PTPDC1: variants seen among roughly 807,000 people sequenced by gnomAD.
The protein encoded by PTPDC1 is protein tyrosine phosphatase domain-containing protein 1.
PTPDC1 carries 53 observed loss-of-function variants against 75.3 expected under a neutral mutation model. The observed-to-expected ratio is 0.70, with a 90% CI of 0.56 to 0.88. PTPDC1 has a LOEUF of 0.88. Ranked by LOEUF, PTPDC1 falls within the 40% of genes least tolerant of loss-of-function variation. The pLI is 0.00. For synonymous variants in PTPDC1, 349 were observed against 366.2 expected (o/e 0.95, Z 0.54); for missense variants, 925 against 998.6 (o/e 0.93, Z 0.99).
intron 2 of PTPDC1, among the ~76,000 whole-genome samples, chr9:94,071,988 TTTAACTGGTA>T (rs1826526699): frequency 1.3e-5 from 2 of 152,128 alleles, no homozygotes; most frequent in African/African-American, 4.8e-5. Context: ...TTGGGGAGAT[TTTAACTGGTA>T]TTGTGGTTTT....
chr9:94,046,211 C>T (rs1481594399), intron 1 of PTPDC1, among the ~76,000 whole-genome samples: 5 of 152,078 alleles, frequency 3.3e-5, no homozygotes, highest in Admixed American at 1.3e-4. Context: ...TATATCTCTG[C>T]TTTGGTACCA....
chr9:94,064,590 C>A, intron 1 of PTPDC1: 1 of 600,360 alleles, frequency 1.7e-6, no homozygotes, highest in Non-Finnish European at 2.9e-6. Context: ...AACAGCACAT[C>A]TCAACCTGAC....
intron 1 of PTPDC1, among the ~76,000 whole-genome samples, chr9:94,059,085 G>A (rs1167342675): frequency 6.6e-6 from 1 of 152,060 alleles, no homozygotes; most frequent in Non-Finnish European, 1.5e-5. Context: ...AGCAACTGTT[G>A]GAGTGAAAGA....
chr9:94,078,013 T>TA (rs1407114463), intron 2 of PTPDC1, among the ~76,000 whole-genome samples: 1 of 152,240 alleles, frequency 6.6e-6, no homozygotes, highest in East Asian at 1.9e-4. Flanking sequence ...ACTTTCACCC[T>TA]AGTCCCCCTG....
At chr9:94,061,965 T>G (rs1454892314) in intron 1 of PTPDC1, among the ~76,000 whole-genome samples, 1 of 152,246 alleles carries the variant, frequency 6.6e-6, no homozygotes, top group Non-Finnish European at 1.5e-5. Flanking sequence ...AATGGACTTT[T>G]CTTTTCTACC....
chr9:94,084,582 T>C lies in PTPDC1; in HGVS notation c.52T>C (p.Ser18Pro). The C allele has an allele frequency of 6.2e-7, 1 of 1,613,758 alleles. No homozygotes were observed. The highest frequency in any genetic ancestry group is 8.5e-7 in the Non-Finnish European group (1 of 1,180,004). Residue 18 changes from serine (S) to proline (P), a missense_variant, in exon 1 of 9, where the codon TCC becomes CCC. Ser to Pro is a moderately conservative substitution (Grantham distance 74, BLOSUM62 -1). Transcript: ENST00000620992. ...RRPSAVRFLS[S>P]FLQGRRHSTS... The stretch of plus-strand genomic sequence containing the variant: ...GCCCTCAGCCGTGCGCTTCCTCAGC[T>C]CCTTTCTCCAGGGCCGCCGGCACTC...
chr9:94,048,183 G>GT (rs1305242236), intron 1 of PTPDC1, among the ~76,000 whole-genome samples: 1 of 152,120 alleles, frequency 6.6e-6, no homozygotes, highest in African/African-American at 2.4e-5. Context: ...TTTTTGAAGG[G>GT]TTTTTTGTGT....
At chr9:94,080,601 G>A (rs1164282404), upstream of PTPDC1, among the ~76,000 whole-genome samples, 3 of 152,130 alleles carry the variant, frequency 2.0e-5, no homozygotes, top group East Asian at 1.9e-4. Context: ...AAGGGCTTCC[G>A]AGTCTAATCA....
intron 2 of PTPDC1, among the ~76,000 whole-genome samples, chr9:94,072,493 A>G (rs897492343): frequency 6.6e-6 from 1 of 151,392 alleles, no homozygotes; most frequent in East Asian, 1.9e-4. Context: ...GGACAGTTCT[A>G]TTTCCTCTTT....
intron 7 of PTPDC1, 74 bp from the exon 8 acceptor site, chr9:94,104,201 C>G: frequency 1.1e-6 from 1 of 950,006 alleles, no homozygotes. Flanking sequence ...ATTCTTGACT[C>G]TACGATAGTT....
chr9:94,090,323 T>C (rs1827266218), intron 4 of PTPDC1, among the ~76,000 whole-genome samples: 1 of 140,520 alleles, frequency 7.1e-6, no homozygotes, highest in Non-Finnish European at 1.5e-5. Context: ...CCACCACCAT[T>C]TATTAAATAG....
chr9:94,098,693 A>C (rs1024364141), intron 6 of PTPDC1, 114 bp downstream of exon 6: 1 of 916,134 alleles, frequency 1.1e-6, no homozygotes, highest in Non-Finnish European at 1.7e-6. Context: ...ATACGTTTGC[A>C]TAATACTTTC....
At position 94,084,665 on chromosome 9, in the gene PTPDC1, C is replaced by T. The variant is rs781201575; in HGVS notation, c.135C>T (p.Ser45=). 59 of 1,613,454 alleles carry T rather than the reference C, an allele frequency of 3.7e-5. No individual in the cohort carries two copies. Among genetic ancestry groups the T allele is most frequent in the South Asian group, 1.1e-5 (1 of 91,042 alleles). ...CCCGGCGGGGCTCTGGCTTGGGCTC[C>T]GGCTCTGCCACGAAGCTGCTGTCCT... ...QQARRGSGLG[S]GSATKLLSSS... The change falls in exon 1 of 9, where the codon TCC becomes TCT. Residue 45 remains serine (S), a synonymous_variant. Transcript: ENST00000620992.
At chr9:94,057,201 C>T (rs1447618099) in intron 1 of PTPDC1, among the ~76,000 whole-genome samples, 1 of 152,130 alleles carries the variant, frequency 6.6e-6, no homozygotes, top group Non-Finnish European at 1.5e-5. Flanking sequence ...ACCTCAGCCT[C>T]CCAAGTAGCT....
At position 94,085,835 on chromosome 9, in the gene PTPDC1, T is replaced by C. The variant is rs543918516; in HGVS notation, c.416+413T>C. 1.5e-3 allele frequency among the ~76,000 whole-genome samples: 235 copies of C among 152,346 alleles called. 7 individuals are homozygous for C. Among genetic ancestry groups the C allele is most frequent in the South Asian group, 1.9e-3 (9 of 4,832 alleles). On this transcript the variant is annotated intron_variant, in intron 2 of 8. Coordinates refer to ENST00000620992, the MANE Select transcript of PTPDC1 (RefSeq NM_001253829.2). ...TTTTATGTTATTCCTATATTCTATA[T>C]GAAAGGTCACATTTTCATACAAATA...
chr9:94,078,735 T>G (rs1335938683), intron 2 of PTPDC1, among the ~76,000 whole-genome samples: 1 of 152,222 alleles, frequency 6.6e-6, no homozygotes, highest in Non-Finnish European at 1.5e-5. Flanking sequence ...TAATTCTTCC[T>G]TCTGCCACTT....
intron 1 of PTPDC1, chr9:94,038,090 G>T: frequency 1.8e-6 from 1 of 549,906 alleles, no homozygotes; most frequent in South Asian, 1.7e-5. Flanking sequence ...GTGACACACC[G>T]TGGAAAAGGG....
At chr9:94,071,838 A>G (rs1826520641) in intron 2 of PTPDC1, among the ~76,000 whole-genome samples, 1 of 152,230 alleles carries the variant, frequency 6.6e-6, no homozygotes, top group African/African-American at 2.4e-5. Flanking sequence ...GGAGATTGCC[A>G]TCTTTACTTT....
chr9:94,043,007 CA>C (rs1186074292), intron 1 of PTPDC1, among the ~76,000 whole-genome samples: 3 of 152,230 alleles, frequency 2.0e-5, no homozygotes, highest in Non-Finnish European at 4.4e-5. Flanking sequence ...AATTTAGTCA[CA>C]TTTTCAGCTC....
Sources: allele counts gnomAD v4.1 joint callset (sites outside exome capture counted in the v4.1 genomes callset), GRCh38; gene constraint gnomAD v4.1.1; transcripts MANE v1.5; gene names NCBI Gene and HGNC (gene_info 2026-07-23, HGNC 2026-07-21).